RTL9: variants seen among roughly 807,000 people sequenced by gnomAD.
The protein encoded by RTL9 is retrotransposon Gag like 9, also known as retrotransposon Gag-like protein 9.
A neutral mutation model predicts 44.7 loss-of-function variants in RTL9; 19 were observed. That is an observed-to-expected ratio of 0.42 (90% CI 0.30 to 0.62). RTL9 has a LOEUF of 0.62. Among genes scored for constraint, RTL9 ranks in the 20% least tolerant of loss-of-function variants. The pLI, the probability that RTL9 is intolerant of heterozygous loss-of-function variation, is 0.16. For missense variants in RTL9, 1,105 were observed against 1,080.6 expected (o/e 1.02, Z -0.32); for synonymous variants, 407 against 398.9 (o/e 1.02, Z -0.24).
rs941447394 is a variant in RTL9 at position 110,386,629 on chromosome X, A to T, written c.-168+27713A>T. On this transcript the variant is annotated intron_variant, in intron 1 of 2. Coordinates refer to the RTL9 transcript ENST00000520821. The stretch of plus-strand genomic sequence containing the variant: ...TGTGAATATTCTGTCATTCTGTGTA[A>T]TTTTTTTTCATTTTCTTGAAGCTAT... Among the ~76,000 whole-genome samples the T allele has an allele frequency of 2.7e-5, 3 of 111,221 alleles. No homozygotes were observed. In the East Asian group the frequency reaches 8.4e-4, roughly 31 times the overall value.
intron 1 of RTL9, among the ~76,000 whole-genome samples, chrX:110,441,701 T>G (rs1398096994): frequency 8.9e-6 from 1 of 112,128 alleles, no homozygotes; most frequent in Non-Finnish European, 1.9e-5. Flanking sequence ...TAGCCTCATG[T>G]CAATTCAGGC....
At chrX:110,416,915 C>T (rs2068681602), upstream of RTL9, among the ~76,000 whole-genome samples, 1 of 112,080 alleles carries the variant, frequency 8.9e-6, no homozygotes, top group African/African-American at 3.2e-5. Flanking sequence ...ACTATCTTTG[C>T]TAAAGGAAGA....
At chrX:110,380,650 C>CA (rs1192088680) in intron 1 of RTL9, among the ~76,000 whole-genome samples, 1 of 111,805 alleles carries the variant, frequency 8.9e-6, no homozygotes, top group East Asian at 2.8e-4. Flanking sequence ...AAACCTAAGC[C>CA]AAAAGAACAA....
At chrX:110,422,173 G>A (rs913390015) in intron 1 of RTL9, among the ~76,000 whole-genome samples, 3 of 112,587 alleles carry the variant, frequency 2.7e-5, no homozygotes, top group Non-Finnish European at 3.8e-5. Flanking sequence ...CTTTTTCCCT[G>A]TCCAGGTTTC....
At chrX:110,406,769 T>C (rs2068605261) in intron 1 of RTL9, among the ~76,000 whole-genome samples, 1 of 112,455 alleles carries the variant, frequency 8.9e-6, no homozygotes, top group Admixed American at 9.4e-5. Flanking sequence ...CTTATGCTCC[T>C]CTGCTTTCTA....
intron 1 of RTL9, among the ~76,000 whole-genome samples, chrX:110,406,268 C>A (rs1330824962): frequency 1.8e-5 from 2 of 108,222 alleles, no homozygotes; most frequent in Non-Finnish European, 1.9e-5. Context: ...GCCCCCCACG[C>A]CCCACAGGCC....
chrX:110,392,405 A>G (rs1159722680), intron 1 of RTL9, among the ~76,000 whole-genome samples: 1 of 108,508 alleles, frequency 9.2e-6, no homozygotes, highest in African/African-American at 3.4e-5. Context: ...CCTCCCAAGT[A>G]GTTAGGACTT....
intron 1 of RTL9, among the ~76,000 whole-genome samples, chrX:110,380,730 C>T (rs767207292): frequency 5.8e-4 from 65 of 112,363 alleles, no homozygotes; most frequent in Non-Finnish European, 9.2e-4. Flanking sequence ...CAGCATGTTG[C>T]TGGTACAGAA....
At chrX:110,409,729 A>G (rs2068628545) in intron 1 of RTL9, among the ~76,000 whole-genome samples, 1 of 110,607 alleles carries the variant, frequency 9.0e-6, no homozygotes, top group Non-Finnish European at 1.9e-5. Flanking sequence ...GTAACTGCTA[A>G]ATATCTGACA....
At chrX:110,429,642 C>T (rs780765743) in intron 1 of RTL9, among the ~76,000 whole-genome samples, 31 of 109,863 alleles carry the variant, frequency 2.8e-4, no homozygotes, top group Middle Eastern at 9.4e-3. Flanking sequence ...GCCACCATGC[C>T]CTGCTAATTT....
chrX:110,432,504 G>C (rs971369545), intron 1 of RTL9, among the ~76,000 whole-genome samples: 1 of 112,003 alleles, frequency 8.9e-6, no homozygotes, highest in African/African-American at 3.3e-5. Flanking sequence ...CTGTTGTGAG[G>C]CAGCGTTGGG....
intron 1 of RTL9, among the ~76,000 whole-genome samples, chrX:110,387,850 C>CCT (rs1317483103): frequency 0.017 from 1,731 of 104,499 alleles, 48 homozygotes; most frequent in African/African-American, 0.05. Context: ...TCGTTATCTC[C>CCT]CTCTCTCTTT....
chrX:110,416,006 C>CAA (rs58422043), upstream of RTL9, among the ~76,000 whole-genome samples: 695 of 74,361 alleles, frequency 9.3e-3, 4 homozygotes, highest in East Asian at 0.012. Context: ...CCAGAAGAGG[C>CAA]AAAAAAAAAA....
At chrX:110,424,328 A>G (rs190019274) in intron 1 of RTL9, among the ~76,000 whole-genome samples, 75 of 111,596 alleles carry the variant, frequency 6.7e-4, no homozygotes, top group Middle Eastern at 4.6e-3. Context: ...TGCTGCTACT[A>G]CTATTACTAC....
At chrX:110,398,607 A>G (rs2068543620) in intron 1 of RTL9, among the ~76,000 whole-genome samples, 1 of 112,023 alleles carries the variant, frequency 8.9e-6, no homozygotes, top group African/African-American at 3.2e-5. Context: ...CCAAGGTCAT[A>G]GAACTAGGAC....
intron 1 of RTL9, among the ~76,000 whole-genome samples, chrX:110,411,916 C>T (rs1164467386): frequency 8.9e-6 from 1 of 112,217 alleles, no homozygotes; most frequent in Non-Finnish European, 1.9e-5. Flanking sequence ...ACAGTAGGTA[C>T]TCAATAAATA....
At chrX:110,399,293 C>T (rs2148294789) in intron 1 of RTL9, among the ~76,000 whole-genome samples, 1 of 112,377 alleles carries the variant, frequency 8.9e-6, no homozygotes, top group East Asian at 2.8e-4. Flanking sequence ...GAAGCCTAGG[C>T]TCAGTGAATT....
chrX:110,380,400 G>A, intron 1 of RTL9, among the ~76,000 whole-genome samples: 1 of 111,422 alleles, frequency 9.0e-6, no homozygotes, highest in Non-Finnish European at 1.9e-5. Flanking sequence ...AGAGGTGAAA[G>A]ATCTCTACAG....
intron 1 of RTL9, among the ~76,000 whole-genome samples, chrX:110,393,168 T>A (rs1193563818): frequency 9.0e-6 from 1 of 111,534 alleles, no homozygotes; most frequent in African/African-American, 3.3e-5. Context: ...GAAGTCCAAC[T>A]ACATGGGTTC....
Sources: allele counts gnomAD v4.1 joint callset (sites outside exome capture counted in the v4.1 genomes callset), GRCh38; gene constraint gnomAD v4.1.1; transcripts MANE v1.5; gene names NCBI Gene and HGNC (gene_info 2026-07-23, HGNC 2026-07-21).